ADGRF5: variants seen among roughly 807,000 people sequenced by gnomAD.
ADGRF5 encodes the protein G-protein coupled receptor 116.
ADGRF5 carries 75 observed loss-of-function variants against 132.3 expected under a neutral mutation model. That is an observed-to-expected ratio of 0.57 (90% CI 0.47 to 0.69). ADGRF5 has a LOEUF of 0.69. Among genes scored for constraint, ADGRF5 ranks in the 30% least tolerant of loss-of-function variants. The pLI, the probability that ADGRF5 is intolerant of heterozygous loss-of-function variation, is 0.00. For missense variants in ADGRF5, 1,516 were observed against 1,630.6 expected (o/e 0.93, Z 1.21); for synonymous variants, 629 against 597.6 (o/e 1.05, Z -0.77).
At chr6:46,876,626 CAG>C (rs1157035175) in intron 10 of ADGRF5, among the ~76,000 whole-genome samples, 9 of 152,158 alleles carry the variant, frequency 5.9e-5, no homozygotes, top group Non-Finnish European at 1.0e-4. Context: ...TTGTTTGAGA[CAG>C]AGTCTCACTC....
At chr6:46,872,719 G>T (rs991304911) in intron 10 of ADGRF5, among the ~76,000 whole-genome samples, 108 of 151,936 alleles carry the variant, frequency 7.1e-4, no homozygotes, top group African/African-American at 2.6e-3. Flanking sequence ...ATTGCCTCGG[G>T]TTCTACAACA....
At chr6:46,930,780 C>T (rs776320397) in intron 1 of ADGRF5, among the ~76,000 whole-genome samples, 5 of 152,154 alleles carry the variant, frequency 3.3e-5, no homozygotes, top group South Asian at 2.1e-4. Flanking sequence ...TGGCTGGGTG[C>T]GGCAGCTCAC....
chr6:46,916,547 G>A (rs1776430308), intron 1 of ADGRF5, among the ~76,000 whole-genome samples: 1 of 152,052 alleles, frequency 6.6e-6, no homozygotes, highest in African/African-American at 2.4e-5. Context: ...CACTTTTTTG[G>A]ACATTGGGCC....
At chr6:46,883,405 G>A (rs1476570704) in intron 6 of ADGRF5, among the ~76,000 whole-genome samples, 154 bp downstream of exon 6, 1 of 152,176 alleles carries the variant, frequency 6.6e-6, no homozygotes, top group African/African-American at 2.4e-5. Context: ...GATTTGATTT[G>A]AGCACATATT....
Position 46,865,178 on chromosome 6 carries a change from T to C in ADGRF5, c.1854A>G (p.Lys618=). 1.9e-6 allele frequency: 3 copies of C among 1,611,086 alleles called. No individual in the cohort carries two copies. In the South Asian group the frequency reaches 3.3e-5, roughly 18 times the overall value. Reference sequence around the variant, plus strand: ...TGAAATTGTGTTTGTAGCACACTTGTTTTTTGTTAACTTCTTTTGCTGAAG... The same window carrying C: ...TGAAATTGTGTTTGTAGCACACTTGCTTTTTGTTAACTTCTTTTGCTGAAG... ...SLPAAKEVNK[K]QVCYKHNFNA... Residue 618 remains lysine (K), a synonymous_variant, in exon 14 of 21, where the codon AAA becomes AAG. Transcript: ENST00000283296.
At chr6:46,906,007 TG>T (rs1436577297) in intron 2 of ADGRF5, among the ~76,000 whole-genome samples, 2 of 152,210 alleles carry the variant, frequency 1.3e-5, no homozygotes, top group Non-Finnish European at 2.9e-5. Flanking sequence ...ACCAGTAACA[TG>T]CCCTGTCTCT....
chr6:46,908,167 A>C (rs1346409293), intron 1 of ADGRF5, among the ~76,000 whole-genome samples: 1 of 152,180 alleles, frequency 6.6e-6, no homozygotes, highest in South Asian at 2.1e-4. Flanking sequence ...GCAATCAAAC[A>C]CATTTTTTAA....
At position 46,877,225 on chromosome 6, in the gene ADGRF5, C is replaced by CTCTTTCTTTCTTTCTTTCTTTTCTTTCTT. The variant is rs1771763723; in HGVS notation, c.1240+976_1240+977insAAGAAAGAAAAGAAAGAAAGAAAGAAAGA. On this transcript the variant is annotated intron_variant, in intron 10 of 20. Transcript: ENST00000283296. ...TTTGGTGAGTCCTAATTTATTTCCT[C>CTCTTTCTTTCTTTCTTTCTTTTCTTTCTT]TCTTTCTTTCTTTCTTTCTTTCTTT... Among the ~76,000 whole-genome samples the CTCTTTCTTTCTTTCTTTCTTTTCTTTCTT allele has an allele frequency of 1.5e-5, 2 of 131,770 alleles. 1 individual carries two copies. Among genetic ancestry groups the CTCTTTCTTTCTTTCTTTCTTTTCTTTCTT allele is most frequent in the Non-Finnish European group, 3.3e-5 (2 of 60,104 alleles). 86.4% of individuals were successfully genotyped at this position (131,770 alleles called of 152,430 possible). A position where few individuals can be genotyped will look rare whatever the true frequency, so the allele number is the denominator to read the frequency against.
intron 1 of ADGRF5, among the ~76,000 whole-genome samples, chr6:46,928,333 C>A (rs1777359453): frequency 6.6e-6 from 1 of 152,020 alleles, no homozygotes; most frequent in Admixed American, 6.6e-5. Context: ...GAAAAACAGC[C>A]CCTTTTTTGA....
intron 2 of ADGRF5, among the ~76,000 whole-genome samples, chr6:46,901,076 G>C (rs748319961): frequency 6.6e-6 from 1 of 152,144 alleles, no homozygotes. Flanking sequence ...TATTCAGGGA[G>C]GGGGCATCAA....
chr6:46,878,816 G>A (rs1333903392), intron 9 of ADGRF5, among the ~76,000 whole-genome samples: 1 of 152,198 alleles, frequency 6.6e-6, no homozygotes, highest in Non-Finnish European at 1.5e-5. Context: ...TCATCATGCA[G>A]AGAAAAGAAG....
At chr6:46,936,074 G>A (rs1777808794) in intron 1 of ADGRF5, among the ~76,000 whole-genome samples, 1 of 152,174 alleles carries the variant, frequency 6.6e-6, no homozygotes, top group Admixed American at 6.5e-5. Context: ...AATCCTTATG[G>A]CTCCTACTGT....
chr6:46,893,501 T>C (rs1052438387), intron 3 of ADGRF5, among the ~76,000 whole-genome samples: 2 of 151,816 alleles, frequency 1.3e-5, no homozygotes. Context: ...AGGCCCAGAG[T>C]TTAGGCTTAG....
intron 1 of ADGRF5, among the ~76,000 whole-genome samples, chr6:46,943,256 A>G (rs1467853817): frequency 6.6e-6 from 1 of 152,194 alleles, no homozygotes; most frequent in African/African-American, 2.4e-5. Flanking sequence ...AAGTTTTGTC[A>G]AGAGCAGCTG....
chr6:46,917,925 T>G (rs1444084980), intron 1 of ADGRF5, among the ~76,000 whole-genome samples: 1 of 152,186 alleles, frequency 6.6e-6, no homozygotes, highest in East Asian at 1.9e-4. Flanking sequence ...TCAAAAAAAT[T>G]GTTTGTTATT....
At chr6:46,858,102 C>A (rs748882331) in intron 17 of ADGRF5, 27 bp downstream of exon 17, 1 of 1,529,832 alleles carries the variant, frequency 6.5e-7, no homozygotes. Context: ...TAAAATCTTC[C>A]TGAAAGCTCC....
chr6:46,936,347 G>A (rs1420050218), intron 1 of ADGRF5, among the ~76,000 whole-genome samples: 1 of 152,186 alleles, frequency 6.6e-6, no homozygotes. Context: ...TGGTCATATG[G>A]TGCTGAGGTC....
At chr6:46,942,907 GT>G (rs960751030) in intron 1 of ADGRF5, among the ~76,000 whole-genome samples, 1 of 152,174 alleles carries the variant, frequency 6.6e-6, no homozygotes, top group Non-Finnish European at 1.5e-5. Context: ...TGTGGATTTG[GT>G]TTGGTGGTTT....
chr6:46,860,651 A>G, intron 16 of ADGRF5, 64 bp downstream of exon 16: 5 of 1,200,190 alleles, frequency 4.2e-6, no homozygotes, highest in Non-Finnish European at 4.8e-6. Context: ...ACGTTTCTTG[A>G]ATACAAATTC....
Sources: gnomAD v4.1 joint callset for allele counts (sites outside exome capture counted in the v4.1 genomes callset) on GRCh38, gnomAD v4.1.1 for gene constraint, MANE v1.5 for transcripts, NCBI Gene and HGNC (gene_info 2026-07-23, HGNC 2026-07-21) for gene names.